The following LHFPL3 variants were observed in gnomAD, a reference collection of about 807,000 sequenced individuals.
LHFPL3 encodes the protein LHFPL tetraspan subfamily member 3.
A neutral mutation model predicts 19.3 loss-of-function variants in LHFPL3; 5 were observed. That is an observed-to-expected ratio of 0.26 (90% CI 0.14 to 0.54). The LOEUF (loss-of-function observed/expected upper bound fraction) is 0.54. LHFPL3 is among the 20% of genes least tolerant of loss of function. The pLI is 0.94. For missense variants in LHFPL3, 249 were observed against 307.4 expected, an observed-to-expected ratio of 0.81 and a Z score of 1.42; for synonymous variants, 133 against 126.2, an observed-to-expected ratio of 1.05 and a Z score of -0.36.
intron 1 of LHFPL3, among the ~76,000 whole-genome samples, chr7:104,393,273 GA>G (rs1791115164): frequency 6.6e-6 from 1 of 152,074 alleles, no homozygotes; most frequent in African/African-American, 2.4e-5. Context: ...CTCCAACAAT[GA>G]AACATAAAGT....
intron 1 of LHFPL3, among the ~76,000 whole-genome samples, chr7:104,418,270 T>C (rs1479876203): frequency 1.3e-5 from 2 of 152,216 alleles, no homozygotes; most frequent in African/African-American, 4.8e-5. Flanking sequence ...GGCAAGAGAC[T>C]GCACCAGGCA....
intron 2 of LHFPL3, among the ~76,000 whole-genome samples, chr7:104,814,869 G>A: frequency 6.6e-6 from 1 of 152,348 alleles, no homozygotes; most frequent in South Asian, 2.1e-4. Context: ...GGTGCCGACA[G>A]CAGGGAGAAA....
At chr7:104,717,696 T>C (rs1035923472) in intron 1 of LHFPL3, among the ~76,000 whole-genome samples, 1 of 152,172 alleles carries the variant, frequency 6.6e-6, no homozygotes, top group Non-Finnish European at 1.5e-5. Flanking sequence ...CTCTTGTATA[T>C]TGTTGGTGGG....
At chr7:104,658,073 A>C (rs917506134) in intron 1 of LHFPL3, among the ~76,000 whole-genome samples, 4 of 152,226 alleles carry the variant, frequency 2.6e-5, no homozygotes, top group Non-Finnish European at 5.9e-5. Flanking sequence ...AATAATACAT[A>C]ATTTCAAGTA....
chr7:104,866,989 A>C (rs1211257145), intron 2 of LHFPL3, among the ~76,000 whole-genome samples: 6 of 152,272 alleles, frequency 3.9e-5, no homozygotes, highest in South Asian at 2.1e-4. Flanking sequence ...GGGTACATAA[A>C]GAAATGAAGG....
At chr7:104,364,452 A>G (rs1025523267) in intron 1 of LHFPL3, among the ~76,000 whole-genome samples, 4 of 152,238 alleles carry the variant, frequency 2.6e-5, no homozygotes, top group African/African-American at 9.6e-5. Flanking sequence ...AGTTCAAACA[A>G]TTGCAAAGCT....
chr7:104,795,478 T>C (rs928945465), intron 2 of LHFPL3, among the ~76,000 whole-genome samples: 2 of 152,216 alleles, frequency 1.3e-5, no homozygotes, highest in Non-Finnish European at 2.9e-5. Context: ...TATGCCTCAA[T>C]TGTATTAGGG....
chr7:104,608,519 A>G (rs1472537370), intron 1 of LHFPL3, among the ~76,000 whole-genome samples: 1 of 135,764 alleles, frequency 7.4e-6, no homozygotes, highest in African/African-American at 2.7e-5. Context: ...GGGGGGAGGG[A>G]TAGCATTAGG....
chr7:104,384,197 T>A (rs1288777376), intron 1 of LHFPL3, among the ~76,000 whole-genome samples: 1 of 152,004 alleles, frequency 6.6e-6, no homozygotes, highest in East Asian at 1.9e-4. Context: ...AGTAAGCATG[T>A]TAGAAAATGT....
intron 1 of LHFPL3, among the ~76,000 whole-genome samples, chr7:104,734,142 GCT>G (rs758277165): frequency 1.3e-5 from 2 of 152,258 alleles, no homozygotes; most frequent in African/African-American, 2.4e-5. Flanking sequence ...TTTCTCTCTG[GCT>G]GCCCTTAACA....
chr7:104,396,369 T>A (rs1791184617), intron 1 of LHFPL3, among the ~76,000 whole-genome samples: 1 of 151,960 alleles, frequency 6.6e-6, no homozygotes, highest in Non-Finnish European at 1.5e-5. Context: ...ACAAGAGACA[T>A]GAAAGCCCAG....
At chr7:104,592,644 C>T (rs1267521652) in intron 1 of LHFPL3, among the ~76,000 whole-genome samples, 1 of 152,136 alleles carries the variant, frequency 6.6e-6, no homozygotes, top group Non-Finnish European at 1.5e-5. Context: ...CAGACAGGGA[C>T]GTTTAAGTCT....
rs940365121 is a variant in LHFPL3 at position 104,465,935 on chromosome 7, T to C, written c.445+136711T>C. Among the ~76,000 whole-genome samples, 9 of 152,216 alleles carry C rather than the reference T, an allele frequency of 5.9e-5. 1 individual carries two copies. Among genetic ancestry groups the C allele is most frequent in the African/African-American group, 1.2e-4 (5 of 41,452 alleles). Reference sequence around the variant, plus strand: ...TTTTAATTTCACTGTGATCTGAGGGTATGTTTGGTATAATTTCAGTTCTTT... The same window carrying C: ...TTTTAATTTCACTGTGATCTGAGGGCATGTTTGGTATAATTTCAGTTCTTT... On this transcript the variant is annotated intron_variant, in intron 1 of 2. Coordinates refer to ENST00000424859, the MANE Select transcript of LHFPL3 (RefSeq NM_199000.3).
At chr7:104,661,807 C>G (rs772512143) in intron 1 of LHFPL3, among the ~76,000 whole-genome samples, 1 of 152,138 alleles carries the variant, frequency 6.6e-6, no homozygotes, top group South Asian at 2.1e-4. Flanking sequence ...CTTATTATGT[C>G]GAGAACTTTC....
At chr7:104,776,533 C>T (rs1562989247) in intron 2 of LHFPL3, among the ~76,000 whole-genome samples, 1 of 152,200 alleles carries the variant, frequency 6.6e-6, no homozygotes, top group East Asian at 1.9e-4. Flanking sequence ...CTCCACTGGG[C>T]CCTCCTCCCA....
intron 1 of LHFPL3, among the ~76,000 whole-genome samples, chr7:104,494,991 C>G (rs559573635): frequency 2.6e-4 from 40 of 152,282 alleles, no homozygotes; most frequent in South Asian, 2.5e-3. Context: ...TTCCAAACCC[C>G]CCTCCAGATC....
intron 1 of LHFPL3, among the ~76,000 whole-genome samples, chr7:104,331,071 C>T (rs969944754): frequency 1.4e-4 from 21 of 152,160 alleles, no homozygotes; most frequent in Non-Finnish European, 1.9e-4. Flanking sequence ...TACTCTAACC[C>T]CCCGCTTTTT....
chr7:104,631,083 ATCT>A (rs1414680235), intron 1 of LHFPL3, among the ~76,000 whole-genome samples: 1 of 152,074 alleles, frequency 6.6e-6, no homozygotes, highest in African/African-American at 2.4e-5. Flanking sequence ...AAGGTGTCTG[ATCT>A]TCTGCCATGT....
At chr7:104,421,245 G>A (rs938838778) in intron 1 of LHFPL3, among the ~76,000 whole-genome samples, 3 of 152,204 alleles carry the variant, frequency 2.0e-5, no homozygotes, top group African/African-American at 7.2e-5. Flanking sequence ...ACTATAGTCT[G>A]TAAACAGTAA....
Sources: allele counts gnomAD v4.1 joint callset (sites outside exome capture counted in the v4.1 genomes callset), GRCh38; gene constraint gnomAD v4.1.1; transcripts MANE v1.5; gene names NCBI Gene and HGNC (gene_info 2026-07-23, HGNC 2026-07-21).